Variants in TNRC6A observed in about 807,000 individuals in gnomAD.
TNRC6A encodes the protein trinucleotide repeat containing adaptor 6A, also known as trinucleotide repeat-containing gene 6A protein.
TNRC6A carries 44 observed loss-of-function variants against 221.2 expected under a neutral mutation model. The observed-to-expected ratio is 0.20, with a 90% CI of 0.16 to 0.26. The LOEUF (loss-of-function observed/expected upper bound fraction) is 0.26. Among genes scored for constraint, TNRC6A ranks in the 10% least tolerant of loss-of-function variants. TNRC6A has a pLI of 1.00. For synonymous variants in TNRC6A, 847 were observed against 838.5 expected (o/e 1.01, Z -0.18); for missense variants, 2,199 against 2,404.4 (o/e 0.91, Z 1.79).
chr16:24,710,472 G>A (rs2056183840), intron 2 of TNRC6A, among the ~76,000 whole-genome samples: 1 of 152,044 alleles, frequency 6.6e-6, no homozygotes, highest in African/African-American at 2.4e-5. Flanking sequence ...GCTAGATGTG[G>A]TGGTGCACGC....
chr16:24,639,090 A>G (rs748762007), intron 1 of TNRC6A, among the ~76,000 whole-genome samples: 8 of 152,220 alleles, frequency 5.3e-5, no homozygotes, highest in South Asian at 2.1e-4. Context: ...GAAACAGTCA[A>G]TCCTCACAAA....
intron 4 of TNRC6A, among the ~76,000 whole-genome samples, chr16:24,771,586 T>TATGTTATGTTATGTTTTATGTG (rs2057608138): frequency 8.1e-6 from 1 of 123,092 alleles, no homozygotes; most frequent in Non-Finnish European, 1.8e-5. Context: ...GTTATGTTGT[T>TATGTTATGTTATGTTTTATGTG]ATGTTATGTT....
intron 2 of TNRC6A, among the ~76,000 whole-genome samples, chr16:24,679,528 G>A (rs112021464): frequency 0.09 from 13,603 of 151,860 alleles, 870 homozygotes; most frequent in East Asian, 0.22. Context: ...CCAGGCTGGA[G>A]TGCAGTGGTG....
chr16:24,798,811 G>A (rs1204600490), intron 11 of TNRC6A, among the ~76,000 whole-genome samples: 22 of 152,194 alleles, frequency 1.4e-4, no homozygotes, highest in Admixed American at 1.3e-3. Context: ...GAGAAACTAC[G>A]CAGTAATTTG....
In TNRC6A at chr16:24,793,564, C is replaced by G; in HGVS notation, c.3267C>G (p.Pro1089=). Reference sequence around the variant, plus strand: ...GGGGTAAGCCCATAGACAGTGGTCCCAGCTGGGGGGAACCCATTGCTGCGG... The same window carrying G: ...GGGGTAAGCCCATAGACAGTGGTCCGAGCTGGGGGGAACCCATTGCTGCGG... ...SAWGKPIDSG[P]SWGEPIAAAS... The change falls in exon 7 of 25, where the codon CCC becomes CCG. Residue 1089 remains proline, a synonymous_variant. Coordinates refer to ENST00000395799, the MANE Select transcript of TNRC6A (RefSeq NM_014494.4). The G allele has an allele frequency of 1.3e-6, 2 of 1,573,776 alleles. No individual in the cohort carries two copies. Among genetic ancestry groups the G allele is most frequent in the South Asian group, 2.4e-5 (2 of 82,246 alleles).
intron 20 of TNRC6A, 61 bp from the exon 21 acceptor site, chr16:24,818,532 G>C (rs752043661): frequency 3.0e-6 from 4 of 1,341,594 alleles, no homozygotes; most frequent in Non-Finnish European, 4.3e-6. Flanking sequence ...GGAAGCTTTT[G>C]CTTTTTCTGA....
Position 24,662,311 on chromosome 16 carries a change from C to T in TNRC6A, n.402+21302C>T, listed in dbSNP as rs149781330. On this transcript the variant is annotated intron_variant and non_coding_transcript_variant, in intron 2 of 2. Coordinates refer to the TNRC6A transcript ENST00000566108. ...TTTAAAAAAATACAAAAAAACTCCC[C>T]GTCTCTATAAAAAGTACAAAAAGTT... The T allele has an allele frequency of 8.8e-3, 1,325 of 151,406 alleles. 8 individuals are homozygous for T. The highest frequency in any genetic ancestry group is 0.013 in the Non-Finnish European group (905 of 67,864). The allele number at this position is 151,406 out of a possible 1,614,324, so 9.4% of individuals were successfully genotyped here.
intron 4 of TNRC6A, among the ~76,000 whole-genome samples, chr16:24,762,348 C>A (rs974461304): frequency 1.3e-5 from 2 of 152,306 alleles, no homozygotes; most frequent in Non-Finnish European, 2.9e-5. Context: ...AGCTGCATGT[C>A]AAATCATATT....
In TNRC6A at chr16:24,816,877, C is replaced by T. The variant is rs369434166; in HGVS notation, c.4893C>T (p.Tyr1631=). 4.2e-5 allele frequency: 67 copies of T among 1,614,148 alleles called. No individual in the cohort carries two copies. In the African/African-American group the frequency reaches 7.6e-4, roughly 18 times the overall value. Residue 1631 remains tyrosine (Y), a synonymous_variant, in exon 20 of 25, where the codon TAC becomes TAT. Coordinates refer to ENST00000395799, the MANE Select transcript of TNRC6A (RefSeq NM_014494.4). The part of the protein sequence containing the change: ...YPNIDPETDP[Y]VTPGSVINNL... ...ACATTGACCCTGAAACTGACCCTTACGTCACTCCTGGCAGTGTCATAAACA... is the reference window on the plus strand; with the variant it reads ...ACATTGACCCTGAAACTGACCCTTATGTCACTCCTGGCAGTGTCATAAACA...
rs1302508673 is a variant in TNRC6A, at chr16:24,790,049, A to C, written c.1407A>C (p.Ser469=). The C allele has an allele frequency of 1.2e-5, 19 of 1,614,130 alleles. No homozygotes were observed. Among genetic ancestry groups the C allele is most frequent in the Non-Finnish European group, 1.6e-5 (19 of 1,180,048 alleles). The change falls in exon 6 of 25, where the codon TCA becomes TCC. Residue 469 remains serine (S), a synonymous_variant. Coordinates refer to ENST00000395799, the MANE Select transcript of TNRC6A (RefSeq NM_014494.4). The stretch of plus-strand genomic sequence containing the variant: ...CCTCTAGTTTACCAAACTCCGGTTC[A>C]GTGCAGAATAATGAGCTGCCTAGTA... The part of the protein sequence containing the change: ...FMTSSLPNSG[S]VQNNELPSSN...
rs745402368 is a variant in TNRC6A, at chr16:24,793,662, C to T, written c.3352+13C>T. ...TTAAGCAAATCTGGTAAGTTATTGACAATGCCTGGTAGCTGTTATGTAGCA... is the reference window on the plus strand; with the variant it reads ...TTAAGCAAATCTGGTAAGTTATTGATAATGCCTGGTAGCTGTTATGTAGCA... On this transcript the variant is annotated intron_variant, in intron 7 of 24. Coordinates refer to ENST00000395799, the MANE Select transcript of TNRC6A (RefSeq NM_014494.4). 7.0e-7 allele frequency: 1 copy of T among 1,420,424 alleles called. No homozygotes were observed. The highest frequency in any genetic ancestry group is 1.9e-5 in the South Asian group (1 of 53,824). 88.0% of individuals were successfully genotyped at this position (1,420,424 alleles called of 1,614,324 possible). A position where few individuals can be genotyped will look rare whatever the true frequency, so the allele number is the denominator to read the frequency against.
At chr16:24,712,929 G>A (rs937360613) in intron 2 of TNRC6A, among the ~76,000 whole-genome samples, 3 of 150,666 alleles carry the variant, frequency 2.0e-5, no homozygotes, top group South Asian at 2.1e-4. Context: ...GTGTGTGTGT[G>A]TGTGTGTGTG....
chr16:24,787,041 C>T (rs1261612448), intron 5 of TNRC6A, among the ~76,000 whole-genome samples: 3 of 152,094 alleles, frequency 2.0e-5, no homozygotes, highest in African/African-American at 7.2e-5. Flanking sequence ...AGGATCTTGC[C>T]ATGGTCACAC....
chr16:24,731,283 G>A (rs1467863771), intron 2 of TNRC6A, among the ~76,000 whole-genome samples: 1 of 151,970 alleles, frequency 6.6e-6, no homozygotes, highest in African/African-American at 2.4e-5. Flanking sequence ...ATGATTGCGG[G>A]TTTTAGGTTT....
At chr16:24,636,163 T>C (rs1317730377) in intron 1 of TNRC6A, among the ~76,000 whole-genome samples, 1 of 152,226 alleles carries the variant, frequency 6.6e-6, no homozygotes, top group Non-Finnish European at 1.5e-5. Context: ...ATCAGGAATG[T>C]GTGCTGGATT....
rs754699532 is a variant in TNRC6A, at chr16:24,789,389, G to A, written c.747G>A (p.Leu249=). ...WPSAPGSDPE[L]ASECMDADSA... is the part of the protein sequence containing the mutation. ...CAGCCCCTGGCAGTGATCCGGAGTT[G>A]GCTTCAGAATGTATGGATGCTGATT... is the stretch of plus-strand genomic sequence containing the variant. Residue 249 remains leucine (L), a synonymous_variant, in exon 6 of 25, where the codon TTG becomes TTA. Coordinates refer to ENST00000395799, the MANE Select transcript of TNRC6A (RefSeq NM_014494.4). 6.2e-7 allele frequency: 1 copy of A among 1,614,192 alleles called. No homozygotes were observed. The highest frequency in any genetic ancestry group is 8.5e-7 in the Non-Finnish European group (1 of 1,180,042).
At chr16:24,611,755 AC>A (rs528096630) in intron 1 of TNRC6A, among the ~76,000 whole-genome samples, 308 of 152,286 alleles carry the variant, frequency 2.0e-3, no homozygotes, top group Middle Eastern at 6.8e-3. Flanking sequence ...CAGATATATT[AC>A]ATATATTAGT....
At chr16:24,726,901 A>T (rs2056502158), upstream of TNRC6A, among the ~76,000 whole-genome samples, 1 of 152,202 alleles carries the variant, frequency 6.6e-6, no homozygotes, top group Non-Finnish European at 1.5e-5. Context: ...GTATGCACCA[A>T]GTTTAAGTAA....
At chr16:24,649,319 G>GT (rs1404607352) in intron 2 of TNRC6A, among the ~76,000 whole-genome samples, 1 of 151,308 alleles carries the variant, frequency 6.6e-6, no homozygotes, top group Admixed American at 6.6e-5. Flanking sequence ...GTTTTGTTTT[G>GT]TTTTTTTGAG....
Sources: gnomAD v4.1 joint callset for allele counts (sites outside exome capture counted in the v4.1 genomes callset) on GRCh38, gnomAD v4.1.1 for gene constraint, MANE v1.5 for transcripts, NCBI Gene and HGNC (gene_info 2026-07-23, HGNC 2026-07-21) for gene names.